LRRC56: variants seen among roughly 807,000 people sequenced by gnomAD.
The protein encoded by LRRC56 is leucine-rich repeat-containing protein 56.
A neutral mutation model predicts 47.8 loss-of-function variants in LRRC56; 41 were observed. The ratio of observed to expected loss-of-function variants is 0.86; its 90% CI spans 0.67 to 1.11. The LOEUF is 1.11. Ranked by LOEUF, LRRC56 falls within the 50% of genes most tolerant of loss-of-function variation. The pLI is 0.00. For missense variants in LRRC56, 759 were observed against 704.2 expected (o/e 1.08, Z -0.88); for synonymous variants, 387 against 311.2 (o/e 1.24, Z -2.56).
At chr11:546,335 A>G (rs887214381) in intron 6 of LRRC56, among the ~76,000 whole-genome samples, 12 of 152,016 alleles carry the variant, frequency 7.9e-5, no homozygotes, top group Non-Finnish European at 1.3e-4. Flanking sequence ...TTGGGAGGCC[A>G]AGGTAGGCAG....
At chr11:507,959 G>A in the LRRC56 span, among the ~76,000 whole-genome samples, 3 of 152,268 alleles carry the variant, frequency 2.0e-5, no homozygotes, top group African/African-American at 7.2e-5. Flanking sequence ...TGGAGCCCTG[G>A]CACTGAGGGG....
chr11:550,675 C>A (rs181094314), intron 8 of LRRC56, among the ~76,000 whole-genome samples: 246 of 152,302 alleles, frequency 1.6e-3, no homozygotes, highest in Middle Eastern at 6.8e-3. Flanking sequence ...TCTGCGTGCC[C>A]TGCTCAGAGC....
In LRRC56 at chr11:554,143, T is replaced by C; in HGVS notation, c.1496T>C (p.Leu499Pro). The C allele has an allele frequency of 1.2e-6, 2 of 1,601,164 alleles. No individual in the cohort carries two copies. Among genetic ancestry groups the C allele is most frequent in the Non-Finnish European group, 8.5e-7 (1 of 1,176,010 alleles). Residue 499 changes from leucine to proline, a missense_variant, in exon 14 of 14, where the codon CTG becomes CCG. By Grantham distance (98) the Leu-to-Pro change is moderately conservative. Transcript: ENST00000270115. ...LGDGVAAVPV[L>P]RALEVASRLS... ...GATGGGGTGGCTGCAGTGCCTGTCC[T>C]GAGAGCCCTGGAGGTGGCCTCACGC... is the stretch of plus-strand genomic sequence containing the variant.
At chr11:524,661 A>G in the LRRC56 span, among the ~76,000 whole-genome samples, 1 of 152,106 alleles carries the variant, frequency 6.6e-6, no homozygotes, top group Non-Finnish European at 1.5e-5. Flanking sequence ...TTAAAATAAA[A>G]TAAAAAAGAG....
chr11:545,255 T>G (rs921326297), intron 6 of LRRC56, among the ~76,000 whole-genome samples: 18 of 152,180 alleles, frequency 1.2e-4, no homozygotes, highest in African/African-American at 4.3e-4. Flanking sequence ...TCCACAAAGG[T>G]GCCCCTGACC....
intron 11 of LRRC56, 41 bp downstream of exon 11, chr11:552,008 C>A: frequency 6.2e-7 from 1 of 1,611,120 alleles, no homozygotes; most frequent in South Asian, 1.1e-5. Context: ...GAACCAGTGT[C>A]CAGGGTTGCG....
intron 6 of LRRC56, among the ~76,000 whole-genome samples, chr11:548,624 A>AT (rs1361951211): frequency 6.6e-6 from 1 of 151,454 alleles, no homozygotes; most frequent in Non-Finnish European, 1.5e-5. Flanking sequence ...CGCCTGGCTA[A>AT]TTTTTTTGTA....
intron 5 of LRRC56, among the ~76,000 whole-genome samples, chr11:542,841 A>G (rs1487328077): frequency 6.6e-6 from 1 of 152,140 alleles, no homozygotes; most frequent in Admixed American, 6.5e-5. Flanking sequence ...TTACACCTGT[A>G]CATGACTCTT....
intron 6 of LRRC56, among the ~76,000 whole-genome samples, chr11:548,774 G>C (rs1454338657): frequency 6.6e-6 from 1 of 152,114 alleles, no homozygotes; most frequent in Non-Finnish European, 1.5e-5. Context: ...GGTTTTTTAA[G>C]GACAGAAATA....
chr11:531,212 A>G, the LRRC56 span, among the ~76,000 whole-genome samples: 15 of 150,268 alleles, frequency 1.0e-4, 1 homozygote, highest in Non-Finnish European at 1.5e-4. Flanking sequence ...CGAGTGTGGT[A>G]TTCCCTGGAC....
At chr11:533,531 A>C, upstream of LRRC56, 2 of 1,613,826 alleles carry the variant, frequency 1.2e-6, no homozygotes, top group Non-Finnish European at 1.7e-6. Context: ...GAGATTCCAC[A>C]GTGCGTGCAG....
chr11:535,777 G>A (rs8176332), upstream of LRRC56, among the ~76,000 whole-genome samples: 1 of 151,920 alleles, frequency 6.6e-6, no homozygotes, highest in Admixed American at 6.5e-5. Context: ...GGAGACCGGA[G>A]CCGAGCTCGG....
At chr11:515,216 G>A in the LRRC56 span, among the ~76,000 whole-genome samples, 17 of 152,198 alleles carry the variant, frequency 1.1e-4, no homozygotes, top group Admixed American at 4.6e-4. Context: ...GTGCTGCTCC[G>A]GAGACACGAA....
At chr11:534,510 G>A (rs1851335670), upstream of LRRC56, 2 of 605,642 alleles carry the variant, frequency 3.3e-6, no homozygotes, top group Non-Finnish European at 5.9e-6. Flanking sequence ...GGACTGCAGC[G>A]TGCCTACCTG....
At chr11:532,164 T>A in the LRRC56 span, 1 of 275,690 alleles carries the variant, frequency 3.6e-6, no homozygotes, top group Non-Finnish European at 7.1e-6. Flanking sequence ...AGCCCAGGGC[T>A]GGACAGGCCT....
the LRRC56 span, among the ~76,000 whole-genome samples, chr11:522,558 A>G: frequency 6.6e-5 from 10 of 151,922 alleles, no homozygotes; most frequent in African/African-American, 2.2e-4. Context: ...GAGCCACCGC[A>G]CCTGGCCATT....
At chr11:550,049 G>T (rs1359752599) in intron 7 of LRRC56, 23 bp from the exon 8 acceptor site, 1 of 1,611,278 alleles carries the variant, frequency 6.2e-7, no homozygotes, top group Non-Finnish European at 8.5e-7. Flanking sequence ...CCGGGCCCTG[G>T]CTCAGAGCCC....
chr11:530,856 G>A, the LRRC56 span, among the ~76,000 whole-genome samples: 1 of 54,696 alleles, frequency 1.8e-5, no homozygotes. Context: ...GCGTCCCCTG[G>A]AGAGAAGGGC....
the LRRC56 span, among the ~76,000 whole-genome samples, chr11:526,427 G>A: frequency 0.014 from 2,121 of 152,122 alleles, 53 homozygotes; most frequent in African/African-American, 0.048. Context: ...CAAGGGGCCC[G>A]GCACGCTGGA....
Sources: allele counts gnomAD v4.1 joint callset (sites outside exome capture counted in the v4.1 genomes callset), GRCh38; gene constraint gnomAD v4.1.1; transcripts MANE v1.5; gene names NCBI Gene and HGNC (gene_info 2026-07-23, HGNC 2026-07-21).